The following SSBP2 variants were observed in gnomAD, a reference collection of about 807,000 sequenced individuals.
SSBP2 encodes single-stranded DNA-binding protein 2.
A neutral mutation model predicts 61.8 loss-of-function variants in SSBP2; 17 were observed. The observed-to-expected ratio is 0.28, with a 90% CI of 0.19 to 0.41. The LOEUF is 0.41. Ranked by LOEUF, SSBP2 falls within the 10% of genes least tolerant of loss-of-function variation. The pLI, the probability that SSBP2 is intolerant of heterozygous loss-of-function variation, is 1.00. For synonymous variants in SSBP2, 139 were observed against 141.3 expected, an observed-to-expected ratio of 0.98 and a Z score of 0.12; for missense variants, 310 against 458.7, an observed-to-expected ratio of 0.68 and a Z score of 2.96.
At position 81,528,999 on chromosome 5, in the gene SSBP2, T is replaced by G. The variant is rs532239944; in HGVS notation, c.283-15282A>C. Among the ~76,000 whole-genome samples the G allele has an allele frequency of 6.6e-5, 10 of 152,212 alleles. No homozygotes were observed. The South Asian group carries it at 2.1e-3, about 32-fold the overall frequency. On this transcript the variant is annotated intron_variant, in intron 4 of 16. Coordinates refer to ENST00000320672, the MANE Select transcript of SSBP2 (RefSeq NM_012446.5). ...CCGCAATTCATTTAATGGACACTTA[T>G]AAAACCCTGTATTCACAAATTAAAA...
chr5:81,628,081 C>T (rs116369197), intron 3 of SSBP2, among the ~76,000 whole-genome samples: 1,780 of 151,762 alleles, frequency 0.012, 17 homozygotes, highest in Non-Finnish European at 0.019. Context: ...AAAAGGTGTA[C>T]TTGTCTGCTC....
chr5:81,455,625 CAAAAA>C (rs537363119), intron 10 of SSBP2, among the ~76,000 whole-genome samples: 4 of 12,578 alleles, frequency 3.2e-4, no homozygotes, highest in Non-Finnish European at 3.2e-4. Context: ...GACTCCGTCT[CAAAAA>C]AAAAAAAAAA....
intron 1 of SSBP2, among the ~76,000 whole-genome samples, chr5:81,746,342 T>G (rs1215278166): frequency 6.6e-6 from 1 of 152,022 alleles, no homozygotes; most frequent in African/African-American, 2.4e-5. Context: ...GGAGGGGCAA[T>G]TTAATATTTT....
chr5:81,595,071 A>T (rs1038981158), intron 4 of SSBP2, among the ~76,000 whole-genome samples: 12 of 152,316 alleles, frequency 7.9e-5, no homozygotes, highest in East Asian at 5.8e-4. Context: ...TTTTGAAAAG[A>T]TCAACAAAAT....
intron 1 of SSBP2, among the ~76,000 whole-genome samples, chr5:81,693,854 G>GTA (rs1753398237): frequency 6.6e-6 from 1 of 152,118 alleles, no homozygotes; most frequent in Non-Finnish European, 1.5e-5. Flanking sequence ...AAGAAAATCA[G>GTA]TATATTGAAG....
intron 1 of SSBP2, among the ~76,000 whole-genome samples, chr5:81,652,182 T>C (rs1213907534): frequency 6.6e-6 from 1 of 152,128 alleles, no homozygotes; most frequent in Non-Finnish European, 1.5e-5. Context: ...AGAACAGACT[T>C]CAGAACGGTC....
intron 1 of SSBP2, among the ~76,000 whole-genome samples, chr5:81,739,938 A>G (rs1466183384): frequency 6.6e-6 from 1 of 152,108 alleles, no homozygotes; most frequent in Non-Finnish European, 1.5e-5. Flanking sequence ...AACTAGCAGC[A>G]TTTTTGCCAG....
rs1161947833 is a variant in SSBP2, at chr5:81,747,442, G to A, written c.62+3539C>T. Among the ~76,000 whole-genome samples the A allele has an allele frequency of 2.6e-5, 4 of 151,946 alleles. No homozygotes were observed. The East Asian group carries it at 7.7e-4, about 29-fold the overall frequency. On this transcript the variant is annotated intron_variant, in intron 1 of 16. Transcript: ENST00000320672. Reference sequence around the variant, plus strand: ...CAACTGTCTTGTAGATTTGTTGGGAGAATTAAGAAAAAAATATACATAAAA... The same window carrying A: ...CAACTGTCTTGTAGATTTGTTGGGAAAATTAAGAAAAAAATATACATAAAA...
At chr5:81,536,264 T>C (rs1179142216) in intron 4 of SSBP2, among the ~76,000 whole-genome samples, 1 of 152,160 alleles carries the variant, frequency 6.6e-6, no homozygotes, top group African/African-American at 2.4e-5. Context: ...ACAGGAACTC[T>C]CCTTCAAAAT....
intron 12 of SSBP2, among the ~76,000 whole-genome samples, chr5:81,446,338 A>C (rs184569914): frequency 2.2e-4 from 33 of 152,234 alleles, no homozygotes; most frequent in African/African-American, 5.5e-4. Flanking sequence ...GAAAACATTG[A>C]AGTATGTTTT....
At chr5:81,621,850 G>A (rs1746590859) in intron 3 of SSBP2, among the ~76,000 whole-genome samples, 1 of 123,024 alleles carries the variant, frequency 8.1e-6, no homozygotes, top group South Asian at 3.0e-4. Flanking sequence ...GTAAACTATT[G>A]CAAGAACAAA....
chr5:81,489,382 T>C (rs1410166562), intron 5 of SSBP2, 73 bp from the exon 6 acceptor site: 3 of 1,278,648 alleles, frequency 2.3e-6, no homozygotes, highest in Non-Finnish European at 3.2e-6. Context: ...GAAAATAAAC[T>C]ACTTAAAAAA....
intron 4 of SSBP2, among the ~76,000 whole-genome samples, chr5:81,583,487 G>C (rs535754013): frequency 6.6e-6 from 1 of 151,940 alleles, no homozygotes; most frequent in Non-Finnish European, 1.5e-5. Context: ...AAAATTAGCT[G>C]GGCATGGTGG....
chr5:81,677,089 T>C lies in SSBP2; in HGVS notation c.63-26750A>G, dbSNP rs1395923068. ...GTTTACTTTAGTCTCAGAATAATAA[T>C]ATTCGTTTAAGGCCTACTCTCCTTT... On this transcript the variant is annotated intron_variant, in intron 1 of 16. Coordinates refer to ENST00000320672, the MANE Select transcript of SSBP2 (RefSeq NM_012446.5). 4.6e-5 allele frequency among the ~76,000 whole-genome samples: 7 copies of C among 152,258 alleles called. No individual in the cohort carries two copies. In the East Asian group the frequency reaches 7.7e-4, roughly 17 times the overall value.
intron 15 of SSBP2, among the ~76,000 whole-genome samples, chr5:81,434,052 T>C (rs1001941263): frequency 2.0e-5 from 3 of 152,218 alleles, no homozygotes; most frequent in Admixed American, 2.0e-4. Context: ...CTAAAATCTT[T>C]ATGTTACAGC....
At chr5:81,486,055 T>C (rs571861658) in intron 6 of SSBP2, among the ~76,000 whole-genome samples, 2 of 152,312 alleles carry the variant, frequency 1.3e-5, no homozygotes, top group East Asian at 3.9e-4. Context: ...TAATGAAGCT[T>C]AACTAAATGT....
chr5:81,704,468 C>T (rs1754217845), intron 1 of SSBP2, among the ~76,000 whole-genome samples: 1 of 152,104 alleles, frequency 6.6e-6, no homozygotes, highest in Non-Finnish European at 1.5e-5. Context: ...TGCACACACA[C>T]ATATACACAA....
At chr5:81,737,232 T>C (rs1040144499) in intron 1 of SSBP2, among the ~76,000 whole-genome samples, 2 of 151,406 alleles carry the variant, frequency 1.3e-5, no homozygotes, top group Admixed American at 6.6e-5. Flanking sequence ...AAAACCTCTT[T>C]ACAACACAAT....
rs1756194101 is a variant in SSBP2, at chr5:81,730,539, T to C, written c.62+20442A>G. ...CACACCTGGTCTTGAAATGTTTACATAGTCAAAAACATCTAAAAATCTAAA... is the reference window on the plus strand; with the variant it reads ...CACACCTGGTCTTGAAATGTTTACACAGTCAAAAACATCTAAAAATCTAAA... On this transcript the variant is annotated intron_variant, in intron 1 of 16. Transcript: ENST00000320672. Among the ~76,000 whole-genome samples the C allele has an allele frequency of 3.3e-5, 5 of 152,330 alleles. No individual in the cohort carries two copies. In the South Asian group the frequency reaches 8.3e-4, roughly 25 times the overall value.
Sources: gnomAD v4.1 joint callset for allele counts (sites outside exome capture counted in the v4.1 genomes callset) on GRCh38, gnomAD v4.1.1 for gene constraint, MANE v1.5 for transcripts, NCBI Gene and HGNC (gene_info 2026-07-23, HGNC 2026-07-21) for gene names.